The following DENND1B variants were observed in gnomAD, a reference collection of about 807,000 sequenced individuals.
DENND1B encodes the protein DENN domain containing 1B.
Under a neutral mutation model 90.1 loss-of-function variants are expected in DENND1B, and 59 were observed. The ratio of observed to expected loss-of-function variants is 0.65; its 90% confidence interval spans 0.53 to 0.81. The LOEUF (loss-of-function observed/expected upper bound fraction) is 0.81, where lower values mean the gene tolerates loss of function less well. Among genes scored for constraint, DENND1B ranks in the 40% least tolerant of loss-of-function variants. The pLI is 0.00. For missense variants in DENND1B, 862 were observed against 912.6 expected, an observed-to-expected ratio of 0.94 and a Z score of 0.71; for synonymous variants, 337 against 324.6, an observed-to-expected ratio of 1.04 and a Z score of -0.41.
intron 2 of DENND1B, chr1:197,757,172 T>A (rs918456602): frequency 3.9e-5 from 6 of 152,068 alleles, no homozygotes; most frequent in African/African-American, 1.4e-4. Flanking sequence ...CATCATAGGT[T>A]TACAGAAGAA....
intron 3 of DENND1B, among the ~76,000 whole-genome samples, chr1:197,705,559 A>G (rs1274860066): frequency 6.6e-6 from 1 of 152,046 alleles, no homozygotes; most frequent in Non-Finnish European, 1.5e-5. Context: ...TGACAAGTAC[A>G]TTATCACTCT....
intron 10 of DENND1B, among the ~76,000 whole-genome samples, chr1:197,629,546 A>AG (rs1272162447): frequency 1.1e-5 from 1 of 92,726 alleles, no homozygotes; most frequent in Non-Finnish European, 2.1e-5. Flanking sequence ...GGGAGGGGGG[A>AG]GGGGTAACAT....
chr1:197,724,643 G>C (rs947883244), intron 2 of DENND1B, among the ~76,000 whole-genome samples: 1 of 151,988 alleles, frequency 6.6e-6, no homozygotes, highest in African/African-American at 2.4e-5. Context: ...CAGACACAAA[G>C]AATGGAATTA....
At chr1:197,739,578 CTA>C (rs1461790468) in intron 2 of DENND1B, among the ~76,000 whole-genome samples, 6 of 151,968 alleles carry the variant, frequency 3.9e-5, no homozygotes. Flanking sequence ...TAAATGAACT[CTA>C]AATGAAAATA....
chr1:197,617,567 A>T, intron 11 of DENND1B, 92 bp downstream of exon 11: 1 of 849,806 alleles, frequency 1.2e-6, no homozygotes, highest in South Asian at 1.5e-5. Context: ...GATTTCTTTT[A>T]AATATGCCCC....
At chr1:197,626,575 G>A (rs1032909541) in intron 10 of DENND1B, among the ~76,000 whole-genome samples, 1 of 152,108 alleles carries the variant, frequency 6.6e-6, no homozygotes, top group African/African-American at 2.4e-5. Context: ...GAGAAAGCAG[G>A]AAAGATCCAA....
At chr1:197,612,099 TATAG>T (rs940624385) in intron 11 of DENND1B, 123 bp from the exon 12 acceptor site, 6 of 620,514 alleles carry the variant, frequency 9.7e-6, no homozygotes, top group Non-Finnish European at 1.3e-5. Flanking sequence ...CATAACACAT[TATAG>T]ATATTCAAAA....
At chr1:197,628,442 A>G (rs113970154) in intron 10 of DENND1B, among the ~76,000 whole-genome samples, 1 of 152,312 alleles carries the variant, frequency 6.6e-6, no homozygotes, top group South Asian at 2.1e-4. Flanking sequence ...TCCCTATTTA[A>G]TAAATGGTGC....
chr1:197,768,769 C>T (rs560045423), intron 2 of DENND1B, among the ~76,000 whole-genome samples: 1 of 152,114 alleles, frequency 6.6e-6, no homozygotes, highest in South Asian at 2.1e-4. Flanking sequence ...GGAAATACTA[C>T]CAACCCCTCT....
At chr1:197,535,670 T>C (rs766446607) in intron 20 of DENND1B, among the ~76,000 whole-genome samples, 1 of 152,150 alleles carries the variant, frequency 6.6e-6, no homozygotes, top group Non-Finnish European at 1.5e-5. Flanking sequence ...ATTGTCACAG[T>C]CCTTAAAACC....
chr1:197,766,794 T>A (rs1655754039), intron 2 of DENND1B, among the ~76,000 whole-genome samples: 1 of 152,120 alleles, frequency 6.6e-6, no homozygotes, highest in South Asian at 2.1e-4. Context: ...TTTATTTTTA[T>A]TTTTTATTTT....
At chr1:197,574,873 A>C (rs552674373) in intron 15 of DENND1B, among the ~76,000 whole-genome samples, 1 of 152,338 alleles carries the variant, frequency 6.6e-6, no homozygotes, top group South Asian at 2.1e-4. Context: ...TGGTGCTGGG[A>C]AAACTGGTTA....
chr1:197,545,127 G>A, intron 18 of DENND1B, among the ~76,000 whole-genome samples: 1 of 151,816 alleles, frequency 6.6e-6, no homozygotes, highest in East Asian at 1.9e-4. Flanking sequence ...TGTTGGGGCT[G>A]GGCGCAGTGG....
At chr1:197,608,479 C>T (rs1676885620) in intron 12 of DENND1B, among the ~76,000 whole-genome samples, 1 of 150,488 alleles carries the variant, frequency 6.6e-6, no homozygotes, top group Admixed American at 6.6e-5. Context: ...GCTTTAAATA[C>T]ATATATGTGT....
intron 15 of DENND1B, among the ~76,000 whole-genome samples, chr1:197,555,677 ATGAC>A (rs1671653839): frequency 6.6e-6 from 1 of 152,162 alleles, no homozygotes; most frequent in Non-Finnish European, 1.5e-5. Context: ...AGCAGTCAGA[ATGAC>A]TATTATTAAA....
chr1:197,576,698 A>T (rs939880384), intron 15 of DENND1B, among the ~76,000 whole-genome samples: 1 of 152,124 alleles, frequency 6.6e-6, no homozygotes, highest in Non-Finnish European at 1.5e-5. Context: ...ATACTCTTTA[A>T]AAATATGTAT....
chr1:197,541,425 T>C (rs993676182), intron 18 of DENND1B, among the ~76,000 whole-genome samples: 1 of 152,222 alleles, frequency 6.6e-6, no homozygotes, highest in African/African-American at 2.4e-5. Flanking sequence ...CAAAGCTTTA[T>C]TAAGAGCTTT....
intron 14 of DENND1B, among the ~76,000 whole-genome samples, chr1:197,590,248 T>A (rs1019156245): frequency 2.6e-5 from 4 of 152,170 alleles, no homozygotes; most frequent in African/African-American, 9.7e-5. Flanking sequence ...TACTTTTTTT[T>A]AACAAATGCG....
upstream of DENND1B, among the ~76,000 whole-genome samples, chr1:197,777,392 A>C (rs190616221): frequency 1.3e-3 from 197 of 152,324 alleles, no homozygotes; most frequent in African/African-American, 3.6e-3. Flanking sequence ...ATCCCAAAGC[A>C]AATCTTTTTA....
Sources: gnomAD v4.1 joint callset for allele counts (sites outside exome capture counted in the v4.1 genomes callset) on GRCh38, gnomAD v4.1.1 for gene constraint, MANE v1.5 for transcripts, NCBI Gene and HGNC (gene_info 2026-07-23, HGNC 2026-07-21) for gene names.